GPC5: variants seen among roughly 807,000 people sequenced by gnomAD.
GPC5 encodes glypican-5.
GPC5 carries 47 observed loss-of-function variants against 53.9 expected under a neutral mutation model. The observed-to-expected ratio is 0.87, with a 90% CI of 0.69 to 1.11. GPC5 has a LOEUF of 1.11. Among genes scored for constraint, GPC5 ranks in the 50% most tolerant of loss-of-function variants. GPC5 has a pLI of 0.00. For missense variants in GPC5, 748 were observed against 713.1 expected, an observed-to-expected ratio of 1.05 and a Z score of -0.56; for synonymous variants, 286 against 263.3, an observed-to-expected ratio of 1.09 and a Z score of -0.84.
rs139559433 is a variant in GPC5, at chr13:92,348,714, T to C, written c.1561+203725T>C. ...AGTTTTCTCAAGAAGTCTGAAATTATAGCAAGAATCTTCTCTGACCCACAA... is the reference window on the plus strand; with the variant it reads ...AGTTTTCTCAAGAAGTCTGAAATTACAGCAAGAATCTTCTCTGACCCACAA... On this transcript the variant is annotated intron_variant, in intron 7 of 7. Transcript: ENST00000377067. Among the ~76,000 whole-genome samples the C allele has an allele frequency of 2.6e-4, 39 of 152,284 alleles. No homozygotes were observed. In the East Asian group the frequency reaches 7.3e-3, roughly 29 times the overall value.
chr13:92,737,679 G>T (rs1157109796), intron 7 of GPC5, among the ~76,000 whole-genome samples: 1 of 150,558 alleles, frequency 6.6e-6, no homozygotes, highest in Non-Finnish European at 1.5e-5. Flanking sequence ...AATAAATACA[G>T]TCTTTTGAAG....
chr13:91,474,795 G>A (rs1258093111), intron 2 of GPC5, among the ~76,000 whole-genome samples: 1 of 151,766 alleles, frequency 6.6e-6, no homozygotes, highest in African/African-American at 2.4e-5. Context: ...TTTGATGACA[G>A]TAATAAGAAC....
intron 5 of GPC5, among the ~76,000 whole-genome samples, chr13:91,879,417 A>G (rs2039240805): frequency 6.6e-6 from 1 of 152,212 alleles, no homozygotes; most frequent in South Asian, 2.1e-4. Flanking sequence ...AGAATACCAT[A>G]GACTTTGTGG....
At chr13:91,956,409 C>A (rs2040074171) in intron 6 of GPC5, among the ~76,000 whole-genome samples, 1 of 152,174 alleles carries the variant, frequency 6.6e-6, no homozygotes, top group South Asian at 2.1e-4. Flanking sequence ...CAGGGTTTTC[C>A]TGCCACTGCT....
intron 5 of GPC5, among the ~76,000 whole-genome samples, chr13:91,768,597 TATA>T (rs1393827204): frequency 6.6e-6 from 1 of 152,164 alleles, no homozygotes; most frequent in East Asian, 1.9e-4. Context: ...AAATGAAAAG[TATA>T]ATTATATGTG....
intron 1 of GPC5, among the ~76,000 whole-genome samples, chr13:91,403,302 T>C (rs1018546571): frequency 2.6e-5 from 4 of 152,164 alleles, no homozygotes; most frequent in African/African-American, 7.2e-5. Context: ...GCAAGGGAGA[T>C]TGCACACCAA....
intron 5 of GPC5, among the ~76,000 whole-genome samples, chr13:91,804,967 G>C (rs1362764899): frequency 6.6e-6 from 1 of 152,204 alleles, no homozygotes; most frequent in Non-Finnish European, 1.5e-5. Flanking sequence ...CAGAGAGTGA[G>C]AGCGCATTGC....
intron 7 of GPC5, among the ~76,000 whole-genome samples, chr13:92,662,606 T>G (rs1350194114): frequency 6.6e-6 from 1 of 152,196 alleles, no homozygotes; most frequent in Non-Finnish European, 1.5e-5. Flanking sequence ...CATGATTTTT[T>G]CCTTTGGATA....
chr13:92,469,386 C>T (rs1878825061), intron 7 of GPC5, among the ~76,000 whole-genome samples: 1 of 151,952 alleles, frequency 6.6e-6, no homozygotes, highest in South Asian at 2.1e-4. Context: ...TGTTTTCTAA[C>T]AAGATATGAG....
intron 7 of GPC5, among the ~76,000 whole-genome samples, chr13:92,498,506 G>T (rs1192831129): frequency 6.6e-6 from 1 of 152,146 alleles, no homozygotes; most frequent in East Asian, 1.9e-4. Context: ...ACCACTTACA[G>T]ATGTTTCTGT....
chr13:92,012,898 T>C lies in GPC5; in HGVS notation c.1401+104841T>C, dbSNP rs1350677370. 7.2e-5 allele frequency among the ~76,000 whole-genome samples: 11 copies of C among 152,136 alleles called. 1 individual carries two copies. The stretch of plus-strand genomic sequence containing the variant: ...TTGTGGGAGGGAGCATGCATGTGAG[T>C]GAGTGCAGGACTCACAGCCAGACCA... On this transcript the variant is annotated intron_variant, in intron 6 of 7. Coordinates refer to ENST00000377067, the MANE Select transcript of GPC5 (RefSeq NM_004466.6).
rs564461169 is a variant in GPC5 at position 92,367,575 on chromosome 13, A to T, written c.1561+222586A>T. On this transcript the variant is annotated intron_variant, in intron 7 of 7. Transcript: ENST00000377067. ...TTTGTACCCAATATATGACAAAGTT[A>T]GTGATAATGCCATTTTTATCTGCCG... 1.6e-4 allele frequency among the ~76,000 whole-genome samples: 25 copies of T among 152,348 alleles called. No individual in the cohort carries two copies. The South Asian group carries it at 3.9e-3, about 24-fold the overall frequency.
intron 2 of GPC5, among the ~76,000 whole-genome samples, chr13:91,639,279 G>C (rs2139475592): frequency 6.6e-6 from 1 of 152,274 alleles, no homozygotes. Flanking sequence ...ATAGCAGTGT[G>C]AAGCTTTGAT....
chr13:92,508,984 A>G (rs912114733), intron 7 of GPC5, among the ~76,000 whole-genome samples: 1 of 152,234 alleles, frequency 6.6e-6, no homozygotes, highest in African/African-American at 2.4e-5. Flanking sequence ...AGGGTGGAGT[A>G]GTGAACAAGA....
At chr13:92,529,653 A>G (rs1881484128) in intron 7 of GPC5, among the ~76,000 whole-genome samples, 1 of 152,214 alleles carries the variant, frequency 6.6e-6, no homozygotes, top group South Asian at 2.1e-4. Flanking sequence ...AGCTGGACTT[A>G]CATCATTTAA....
chr13:92,741,506 T>C (rs1202301964), intron 7 of GPC5, among the ~76,000 whole-genome samples: 1 of 152,024 alleles, frequency 6.6e-6, no homozygotes, highest in African/African-American at 2.4e-5. Flanking sequence ...TTATCCAGTT[T>C]ATAATTATCC....
intron 7 of GPC5, among the ~76,000 whole-genome samples, chr13:92,417,332 A>G (rs1049039964): frequency 4.6e-5 from 7 of 152,314 alleles, no homozygotes; most frequent in African/African-American, 1.7e-4. Flanking sequence ...TAAGGTGGGT[A>G]TATTCAAAAA....
At chr13:91,553,744 ATTAC>A (rs2030783625) in intron 2 of GPC5, among the ~76,000 whole-genome samples, 2 of 152,092 alleles carry the variant, frequency 1.3e-5, no homozygotes, top group South Asian at 2.1e-4. Flanking sequence ...TTTAGCAATA[ATTAC>A]TTACTCTCAT....
chr13:92,577,494 A>G, intron 7 of GPC5, among the ~76,000 whole-genome samples: 1 of 151,266 alleles, frequency 6.6e-6, no homozygotes, highest in Non-Finnish European at 1.5e-5. Context: ...TGTTTTGCAG[A>G]TACATAAATA....
Sources: gnomAD v4.1 joint callset for allele counts (sites outside exome capture counted in the v4.1 genomes callset) on GRCh38, gnomAD v4.1.1 for gene constraint, MANE v1.5 for transcripts, NCBI Gene and HGNC (gene_info 2026-07-23, HGNC 2026-07-21) for gene names.